Variants in ZNF207 observed in about 807,000 individuals in gnomAD.
ZNF207 encodes BUB3-interacting and GLEBS motif-containing protein ZNF207.
A neutral mutation model predicts 60.2 loss-of-function variants in ZNF207; 24 were observed. The ratio of observed to expected loss-of-function variants is 0.40; its 90% CI spans 0.29 to 0.56. ZNF207 has a LOEUF of 0.56. Ranked by LOEUF, ZNF207 falls within the 20% of genes least tolerant of loss-of-function variation. The pLI, the probability that ZNF207 is intolerant of heterozygous loss-of-function variation, is 0.49. For missense variants in ZNF207, 452 were observed against 636.6 expected (o/e 0.71, Z 3.12); for synonymous variants, 236 against 194.7 (o/e 1.21, Z -1.77).
At chr17:32,367,271 A>ATT (rs1392199506) in intron 9 of ZNF207, among the ~76,000 whole-genome samples, 1 of 87,760 alleles carries the variant, frequency 1.1e-5, no homozygotes, top group Non-Finnish European at 2.9e-5. Flanking sequence ...ATATATATAT[A>ATT]TATATATATA....
intron 7 of ZNF207, among the ~76,000 whole-genome samples, chr17:32,364,580 G>A (rs1001307741): frequency 1.3e-5 from 2 of 151,678 alleles, no homozygotes; most frequent in African/African-American, 2.4e-5. Context: ...GGCTGGTCTC[G>A]AACTCCTGAT....
chr17:32,359,754 A>G (rs1567817791), intron 3 of ZNF207, among the ~76,000 whole-genome samples: 1 of 152,088 alleles, frequency 6.6e-6, no homozygotes, highest in African/African-American at 2.4e-5. Context: ...AAAAAAAAAT[A>G]CAAAAATTAG....
chr17:32,358,473 C>T (rs1391288688), intron 2 of ZNF207, 30 bp from the exon 3 acceptor site: 1 of 1,523,120 alleles, frequency 6.6e-7, no homozygotes, highest in Non-Finnish European at 8.7e-7. Context: ...TTAAAAAAGA[C>T]TTTTATCTAA....
intron 7 of ZNF207, 106 bp from the exon 8 acceptor site, chr17:32,365,224 C>A: frequency 8.2e-7 from 1 of 1,225,304 alleles, no homozygotes; most frequent in Non-Finnish European, 1.1e-6. Flanking sequence ...TGGATTTAGT[C>A]GAGTCATTGA....
At position 32,367,282 on chromosome 17, in the gene ZNF207, T is replaced by TATGTATATATATAA. The variant is rs1905241031; in HGVS notation, c.922-488_922-487insGTATATATATAAAT. ...ATATATATATATATATATATATATATATAAAGAATACTACTAAAGGATGTA... is the reference window on the plus strand; with the variant it reads ...ATATATATATATATATATATATATATATGTATATATATAAATAAAGAATACTACTAAAGGATGTA... On this transcript the variant is annotated intron_variant, in intron 9 of 11. Coordinates refer to ENST00000394670, the MANE Select transcript of ZNF207 (RefSeq NM_001098507.2). 3.9e-4 allele frequency among the ~76,000 whole-genome samples: 32 copies of TATGTATATATATAA among 82,862 alleles called. 1 individual carries two copies. The highest frequency in any genetic ancestry group is 6.3e-4 in the Non-Finnish European group (29 of 45,822). 54.4% of individuals were successfully genotyped at this position (82,862 alleles called of 152,430 possible).
In ZNF207 at chr17:32,367,285, A is replaced by AT. The variant is rs1905245429; in HGVS notation, c.922-487_922-486insT. Among the ~76,000 whole-genome samples, 140 of 133,996 alleles carry AT rather than the reference A, an allele frequency of 1.0e-3. 1 individual carries two copies. The highest frequency in any genetic ancestry group is 2.6e-3 in the African/African-American group (88 of 34,302). 87.9% of individuals were successfully genotyped at this position (133,996 alleles called of 152,430 possible). A position where few individuals can be genotyped will look rare whatever the true frequency, so the allele number is the denominator to read the frequency against. On this transcript the variant is annotated intron_variant, in intron 9 of 11. Coordinates refer to ENST00000394670, the MANE Select transcript of ZNF207 (RefSeq NM_001098507.2). ...TATATATATATATATATATATATAT[A>AT]AAGAATACTACTAAAGGATGTATTT...
Position 32,369,924 on chromosome 17 carries a change from T to C in ZNF207, c.*165T>C. 1 of 795,900 alleles carries C rather than the reference T, an allele frequency of 1.3e-6. No homozygotes were observed. The highest frequency in any genetic ancestry group is 1.7e-6 in the Non-Finnish European group (1 of 585,712). The allele number at this position is 795,900 out of a possible 1,614,324, so 49.3% of individuals were successfully genotyped here. A position where few individuals can be genotyped will look rare whatever the true frequency, so the allele number is the denominator to read the frequency against. On this transcript the variant is annotated 3_prime_UTR_variant, in exon 12 of 12. Transcript: ENST00000394670. ...CATTTATTTTACATGGGAAAAATTA[T>C]TTGGAATAATAAAGCAGGAACTTTT... is the stretch of plus-strand genomic sequence containing the variant.
intron 10 of ZNF207, 173 bp downstream of exon 10, chr17:32,368,187 A>G (rs1233923311): frequency 3.2e-6 from 3 of 933,472 alleles, no homozygotes; most frequent in African/African-American, 1.7e-5. Flanking sequence ...CTTAAAGTGG[A>G]CAGATATTGC....
Position 32,378,506 on chromosome 17 carries a change from C to CT in ZNF207, c.*8754dup, listed in dbSNP as rs1412145864. 2 of 151,786 alleles carry CT rather than the reference C, an allele frequency of 1.3e-5. No individual in the cohort carries two copies. Among genetic ancestry groups the CT allele is most frequent in the South Asian group, 2.1e-4 (1 of 4,816 alleles). The allele number at this position is 151,786 out of a possible 1,614,324, so 9.4% of individuals were successfully genotyped here. A position where few individuals can be genotyped will look rare whatever the true frequency, so the allele number is the denominator to read the frequency against. ...ATACAAGTACTCCTCTATTTTTGTT[C>CT]TTTTTTTGTAAACTATAACGTATCC... On this transcript the variant is annotated 3_prime_UTR_variant, in exon 12 of 12. Coordinates refer to ENST00000394670, the MANE Select transcript of ZNF207 (RefSeq NM_001098507.2).
At chr17:32,358,403 C>T in intron 2 of ZNF207, 100 bp from the exon 3 acceptor site, 1 of 1,181,072 alleles carries the variant, frequency 8.5e-7, no homozygotes, top group East Asian at 3.0e-5. Flanking sequence ...CTCTACATGG[C>T]CTCACTATAG....
rs1167941884 is a variant in ZNF207 at position 32,380,650 on chromosome 17, G to A, written c.*10891G>A. The A allele has an allele frequency of 6.6e-6, 1 of 152,124 alleles. No homozygotes were observed. The highest frequency in any genetic ancestry group is 6.5e-5 in the Admixed American group (1 of 15,274). The allele number at this position is 152,124 out of a possible 1,614,324, so 9.4% of individuals were successfully genotyped here. A position where few individuals can be genotyped will look rare whatever the true frequency, so the allele number is the denominator to read the frequency against. ...GGAATCAGTTAATAATAGTAAAGTG[G>A]TATTAACCCAATACTTGATTTGCAG... is the stretch of plus-strand genomic sequence containing the variant. On this transcript the variant is annotated 3_prime_UTR_variant, in exon 12 of 12. Transcript: ENST00000394670.
Position 32,367,760 on chromosome 17 carries a change from T to C in ZNF207, c.922-12T>C. On this transcript the variant is annotated splice_polypyrimidine_tract_variant and intron_variant, in intron 9 of 11. Transcript: ENST00000394670. ...TTTTGAAGTTTCGTTGATGAAGTAT[T>C]GTATTTTACAGGCTCAGGCAGCTGT... is the stretch of plus-strand genomic sequence containing the variant. The C allele has an allele frequency of 6.2e-7, 1 of 1,613,220 alleles. No individual in the cohort carries two copies.
At position 32,360,457 on chromosome 17, in the gene ZNF207, A is replaced by G. The variant is rs1904805745; in HGVS notation, c.308-141A>G. 4 of 738,094 alleles carry G rather than the reference A, an allele frequency of 5.4e-6. No individual in the cohort carries two copies. In the Admixed American group the frequency reaches 9.0e-5, roughly 17 times the overall value. The allele number at this position is 738,094 out of a possible 1,614,324, so 45.7% of individuals were successfully genotyped here. ...TAGGGCGAAAACACATTTGAAGAAC[A>G]TAGAGCAGTATTAATTGAATTTTTG... is the stretch of plus-strand genomic sequence containing the variant. On this transcript the variant is annotated intron_variant, in intron 3 of 11. Coordinates refer to ENST00000394670, the MANE Select transcript of ZNF207 (RefSeq NM_001098507.2).
chr17:32,367,623 G>C (rs1242900764), intron 9 of ZNF207, 149 bp from the exon 10 acceptor site: 1 of 1,079,694 alleles, frequency 9.3e-7, no homozygotes, highest in East Asian at 2.6e-5. Context: ...CTTGAATTTT[G>C]TGGAATGTTT....
chr17:32,359,989 C>T (rs568417819), intron 3 of ZNF207, among the ~76,000 whole-genome samples: 33 of 152,152 alleles, frequency 2.2e-4, no homozygotes, highest in Non-Finnish European at 4.4e-4. Context: ...TGAAGACATA[C>T]TTGATTTGTA....
chr17:32,362,710 CAA>C lies in ZNF207; in HGVS notation c.600-202_600-201del, dbSNP rs1904954142. On this transcript the variant is annotated intron_variant, in intron 6 of 11. Coordinates refer to ENST00000394670, the MANE Select transcript of ZNF207 (RefSeq NM_001098507.2). ...CAACATTTTTTTTTTATTGGTAAAC[CAA>C]AGAGTTTGCTGGGTTTTAGACAATT... 26 of 417,278 alleles carry C rather than the reference CAA, an allele frequency of 6.2e-5. 1 individual carries two copies. The South Asian group carries it at 1.8e-3, about 29-fold the overall frequency. 25.8% of individuals were successfully genotyped at this position (417,278 alleles called of 1,614,324 possible).
At chr17:32,350,776 T>A in intron 1 of ZNF207, 1 of 154,938 alleles carries the variant, frequency 6.5e-6, no homozygotes, top group Non-Finnish European at 1.4e-5. Context: ...GTGTGTTTTG[T>A]GTTTATTTTT....
intron 2 of ZNF207, among the ~76,000 whole-genome samples, chr17:32,352,340 A>G (rs565472121): frequency 6.6e-6 from 1 of 152,286 alleles, no homozygotes; most frequent in South Asian, 2.1e-4. Context: ...TTACTGCAAA[A>G]GATAAGATAG....
At chr17:32,357,996 G>T (rs979408231) in intron 2 of ZNF207, among the ~76,000 whole-genome samples, 2 of 152,000 alleles carry the variant, frequency 1.3e-5, no homozygotes, top group Non-Finnish European at 2.9e-5. Context: ...GGCCAGGCTG[G>T]TCTCAAACTC....
Sources: gnomAD v4.1 joint callset for allele counts (sites outside exome capture counted in the v4.1 genomes callset) on GRCh38, gnomAD v4.1.1 for gene constraint, MANE v1.5 for transcripts, NCBI Gene and HGNC (gene_info 2026-07-23, HGNC 2026-07-21) for gene names.